Variants in PARD3 observed in about 807,000 individuals in gnomAD.
PARD3 encodes the protein partitioning defective 3 homolog.
PARD3 carries 75 observed loss-of-function variants against 155.4 expected under a neutral mutation model. The observed-to-expected ratio is 0.48, with a 90% CI of 0.40 to 0.58. The LOEUF (loss-of-function observed/expected upper bound fraction) is 0.58. PARD3 is among the 20% of genes least tolerant of loss of function. The probability of loss-of-function intolerance (pLI) is 0.00; values close to 1 mark genes in which losing one functional copy is unlikely to be tolerated. For missense variants in PARD3, 1,642 were observed against 1,721.7 expected (o/e 0.95, Z 0.82); for synonymous variants, 576 against 610.5 (o/e 0.94, Z 0.83).
Position 34,516,972 on chromosome 10 carries a change from C to A in PARD3, c.403+7G>T. ...GAAATGGAAGAGAAGAAAGAGCTTT[C>A]ACTTACTTGCTCGAAGGACTGAAGG... On this transcript the variant is annotated splice_region_variant and intron_variant, in intron 3 of 24. Transcript: ENST00000374788. 1 of 1,611,960 alleles carries A rather than the reference C, an allele frequency of 6.2e-7. No individual in the cohort carries two copies. Among genetic ancestry groups the A allele is most frequent in the Non-Finnish European group, 8.5e-7 (1 of 1,178,426 alleles).
chr10:34,445,427 T>C (rs1381339928), intron 5 of PARD3, among the ~76,000 whole-genome samples: 2 of 152,208 alleles, frequency 1.3e-5, no homozygotes, highest in African/African-American at 4.8e-5. Context: ...TCTACTCTTC[T>C]AGTATACAGT....
At chr10:34,457,866 A>G (rs903220604) in intron 4 of PARD3, among the ~76,000 whole-genome samples, 5 of 152,072 alleles carry the variant, frequency 3.3e-5, no homozygotes, top group African/African-American at 1.2e-4. Context: ...CTCCCAAAGT[A>G]TGGAATTATA....
chr10:34,336,114 A>G, intron 18 of PARD3, 85 bp downstream of exon 18: 2 of 923,530 alleles, frequency 2.2e-6, no homozygotes, highest in Non-Finnish European at 3.6e-6. Context: ...GTATGTTTAC[A>G]TGGCATATGA....
rs746560235 is a variant in PARD3, at chr10:34,450,368, A to G, written c.663T>C (p.Ser221=). ...NQFQRDNARS[S]LSASHPMVGK... ...CCACCATTGGGTGACTGGCACTCAG[A>G]GACGAGCGAGCATTGTCTCTCTGAA... The change falls in exon 5 of 25, where the codon TCT becomes TCC. Residue 221 remains serine (S), a synonymous_variant. Transcript: ENST00000374788. The G allele has an allele frequency of 3.3e-5, 54 of 1,613,994 alleles. No homozygotes were observed. The highest frequency in any genetic ancestry group is 6.7e-5 in the Admixed American group (4 of 59,994).
intron 1 of PARD3, among the ~76,000 whole-genome samples, chr10:34,714,775 A>ATT (rs35679032): frequency 0.23 from 33,670 of 144,204 alleles, 4,705 homozygotes; most frequent in East Asian, 0.5. Flanking sequence ...ACACATCAAA[A>ATT]TTTTTTTTTT....
intron 1 of PARD3, among the ~76,000 whole-genome samples, chr10:34,795,930 A>T (rs2087200969): frequency 6.7e-6 from 1 of 149,206 alleles, no homozygotes; most frequent in Non-Finnish European, 1.5e-5. Context: ...TAAATAAAAA[A>T]ATTAAAAAGT....
chr10:34,744,661 T>TG (rs1248603456), intron 1 of PARD3, among the ~76,000 whole-genome samples: 1 of 152,184 alleles, frequency 6.6e-6, no homozygotes, highest in South Asian at 2.1e-4. Context: ...GGAACAGAGG[T>TG]GAGACTACAG....
At chr10:34,652,114 G>A (rs765969870) in intron 2 of PARD3, among the ~76,000 whole-genome samples, 2 of 152,118 alleles carry the variant, frequency 1.3e-5, no homozygotes, top group Non-Finnish European at 2.9e-5. Context: ...TATGCTTCCC[G>A]TGCTACATCT....
At chr10:34,595,314 C>T (rs1190911855) in intron 2 of PARD3, among the ~76,000 whole-genome samples, 1 of 152,048 alleles carries the variant, frequency 6.6e-6, no homozygotes, top group Non-Finnish European at 1.5e-5. Context: ...TAGAAATTTC[C>T]ATTGCAAAAT....
intron 20 of PARD3, among the ~76,000 whole-genome samples, chr10:34,287,544 T>C (rs1956459243): frequency 6.6e-6 from 1 of 151,976 alleles, no homozygotes; most frequent in Non-Finnish European, 1.5e-5. Context: ...TGAGGAAAGA[T>C]TTAGATTGGT....
At chr10:34,429,064 T>A (rs980113882) in intron 5 of PARD3, among the ~76,000 whole-genome samples, 1 of 152,198 alleles carries the variant, frequency 6.6e-6, no homozygotes, top group Non-Finnish European at 1.5e-5. Context: ...AGGTTGTAAA[T>A]GAATTCACAT....
intron 12 of PARD3, among the ~76,000 whole-genome samples, chr10:34,367,477 G>A (rs947642105): frequency 7.2e-5 from 11 of 152,118 alleles, no homozygotes; most frequent in African/African-American, 2.4e-4. Context: ...AGGCAGAGGC[G>A]GGCAGATCAC....
At chr10:34,682,447 T>C (rs2093860617) in intron 2 of PARD3, among the ~76,000 whole-genome samples, 1 of 152,164 alleles carries the variant, frequency 6.6e-6, no homozygotes, top group South Asian at 2.1e-4. Flanking sequence ...GCCAAGTATA[T>C]ACCATGCTCT....
intron 1 of PARD3, among the ~76,000 whole-genome samples, chr10:34,807,042 A>C (rs1281508417): frequency 6.6e-6 from 1 of 152,240 alleles, no homozygotes; most frequent in Non-Finnish European, 1.5e-5. Context: ...CACTGCACAA[A>C]GGTAGCTGGC....
intron 12 of PARD3, among the ~76,000 whole-genome samples, chr10:34,368,488 C>T (rs192438449): frequency 2.1e-3 from 320 of 151,854 alleles, no homozygotes; most frequent in African/African-American, 7.3e-3. Context: ...CTGGCTAACA[C>T]GGTGAAACCC....
chr10:34,573,720 CAA>C (rs1564367505), intron 2 of PARD3, among the ~76,000 whole-genome samples: 59 of 128,530 alleles, frequency 4.6e-4, no homozygotes, highest in African/African-American at 1.6e-3. Context: ...AACAAACAAA[CAA>C]ACAAACAAAC....
chr10:34,255,268 G>A (rs569242688), intron 22 of PARD3, among the ~76,000 whole-genome samples: 37 of 152,112 alleles, frequency 2.4e-4, no homozygotes, highest in African/African-American at 8.2e-4. Context: ...TCCAATCCAC[G>A]CTATAGTTTT....
chr10:34,684,902 C>CAG (rs1018763138), intron 2 of PARD3, among the ~76,000 whole-genome samples: 2 of 150,394 alleles, frequency 1.3e-5, no homozygotes, highest in African/African-American at 5.0e-5. Flanking sequence ...CACACACACA[C>CAG]ACACACACAG....
intron 1 of PARD3, among the ~76,000 whole-genome samples, chr10:34,807,106 G>T (rs932197114): frequency 6.6e-6 from 1 of 152,188 alleles, no homozygotes; most frequent in Non-Finnish European, 1.5e-5. Context: ...GCCCTTAGAG[G>T]GGGTAGGGGG....
Sources: gnomAD v4.1 joint callset for allele counts (sites outside exome capture counted in the v4.1 genomes callset) on GRCh38, gnomAD v4.1.1 for gene constraint, MANE v1.5 for transcripts, NCBI Gene and HGNC (gene_info 2026-07-23, HGNC 2026-07-21) for gene names.